Variants in CAMTA1 observed in about 807,000 individuals in gnomAD.
CAMTA1 encodes the protein calmodulin-binding transcription activator 1.
CAMTA1 carries 27 observed loss-of-function variants against 170.9 expected under a neutral mutation model. The observed-to-expected ratio is 0.16, with a 90% confidence interval of 0.12 to 0.22. The LOEUF (loss-of-function observed/expected upper bound fraction) is 0.22, where lower values mean the gene tolerates loss of function less well. Among genes scored for constraint, CAMTA1 ranks in the 10% least tolerant of loss-of-function variants. The probability of loss-of-function intolerance (pLI) is 1.00; values close to 1 mark genes in which losing one functional copy is unlikely to be tolerated. For missense variants in CAMTA1, 1,619 were observed against 2,217.2 expected, an observed-to-expected ratio of 0.73 and a Z score of 5.42; for synonymous variants, 833 against 891.5, an observed-to-expected ratio of 0.93 and a Z score of 1.17.
intron 4 of CAMTA1, among the ~76,000 whole-genome samples, chr1:7,193,514 T>C (rs1442647689): frequency 6.6e-6 from 1 of 151,606 alleles, no homozygotes; most frequent in Non-Finnish European, 1.5e-5. Flanking sequence ...AGTGAACAGC[T>C]AAAGTTCAGT....
At chr1:6,999,982 G>C (rs746175763) in intron 3 of CAMTA1, among the ~76,000 whole-genome samples, 1 of 152,204 alleles carries the variant, frequency 6.6e-6, no homozygotes, top group Non-Finnish European at 1.5e-5. Flanking sequence ...CCAACCAAGG[G>C]GTGGAGAAAG....
At chr1:7,690,031 C>T (rs1576901041) in intron 11 of CAMTA1, among the ~76,000 whole-genome samples, 2 of 152,214 alleles carry the variant, frequency 1.3e-5, no homozygotes, top group East Asian at 1.9e-4. Flanking sequence ...TGGTGGCAGG[C>T]GCCTGTAATC....
intron 6 of CAMTA1, among the ~76,000 whole-genome samples, chr1:7,549,021 G>A (rs112672909): frequency 3.5e-5 from 5 of 142,820 alleles, no homozygotes; most frequent in Non-Finnish European, 7.7e-5. Context: ...TGCCCCCTTA[G>A]GGGTGGAGAT....
chr1:6,920,909 C>T (rs1307574072), intron 3 of CAMTA1, among the ~76,000 whole-genome samples: 11 of 152,222 alleles, frequency 7.2e-5, no homozygotes, highest in African/African-American at 2.7e-4. Context: ...TCCTTTTAGG[C>T]CTCTGGGCCT....
intron 4 of CAMTA1, among the ~76,000 whole-genome samples, chr1:7,120,614 T>G (rs1038018326): frequency 6.6e-6 from 1 of 152,146 alleles, no homozygotes; most frequent in African/African-American, 2.4e-5. Flanking sequence ...CTGCCCACAT[T>G]TGGGGGCCAA....
At chr1:7,026,823 A>G (rs1211513424) in intron 3 of CAMTA1, among the ~76,000 whole-genome samples, 3 of 151,624 alleles carry the variant, frequency 2.0e-5, no homozygotes, top group African/African-American at 7.3e-5. Context: ...TAGAGACGGG[A>G]TTTCATATGT....
chr1:6,870,173 A>G (rs1667980645), intron 3 of CAMTA1, among the ~76,000 whole-genome samples: 4 of 152,166 alleles, frequency 2.6e-5, no homozygotes, highest in Admixed American at 2.6e-4. Context: ...AATGGTCTAA[A>G]TAATGATGCT....
In CAMTA1 at chr1:7,680,814, G is replaced by T. The variant is rs112408242; in HGVS notation, c.2914+3081G>T. ...TTGTTTGCTTGGCTAAAGGCCGGGG[G>T]GGGGCGTGGGTCCGGGGCGCAGAGA... On this transcript the variant is annotated intron_variant, in intron 11 of 22. Coordinates refer to ENST00000303635, the MANE Select transcript of CAMTA1 (RefSeq NM_015215.4). This position sits in a 1 kb window ranked among gnomAD's most constrained non-coding sequence, Gnocchi z 4.4. Among the ~76,000 whole-genome samples, 1,855 of 45,660 alleles carry T rather than the reference G, an allele frequency of 0.041. 19 individuals carry two copies. Among genetic ancestry groups the T allele is most frequent in the Middle Eastern group, 0.19 (23 of 124 alleles). The allele number at this position is 45,660 out of a possible 152,430, so 30.0% of individuals were successfully genotyped here. A position where few individuals can be genotyped will look rare whatever the true frequency, so the allele number is the denominator to read the frequency against.
chr1:7,545,605 A>C (rs1313501336), intron 6 of CAMTA1, among the ~76,000 whole-genome samples: 1 of 152,136 alleles, frequency 6.6e-6, no homozygotes, highest in Admixed American at 6.5e-5. Context: ...CAGGTGGTGC[A>C]TCTTGAGCAA....
chr1:7,524,033 C>T (rs1031617359), intron 6 of CAMTA1, among the ~76,000 whole-genome samples: 1 of 151,750 alleles, frequency 6.6e-6, no homozygotes, highest in Non-Finnish European at 1.5e-5. Flanking sequence ...AAACACCTGT[C>T]TCTACTAATA....
At chr1:7,713,288 C>T (rs1352753040) in intron 11 of CAMTA1, among the ~76,000 whole-genome samples, 1 of 152,132 alleles carries the variant, frequency 6.6e-6, no homozygotes, top group Non-Finnish European at 1.5e-5. Flanking sequence ...AGCACCTGAG[C>T]CTGATGAGAG....
intron 4 of CAMTA1, among the ~76,000 whole-genome samples, chr1:7,214,855 C>CTTTT (rs1353496472): frequency 6.3e-5 from 5 of 79,358 alleles, no homozygotes; most frequent in Admixed American, 1.1e-4. Context: ...CTTTTTCTTT[C>CTTTT]TTTCTTTTTT....
At chr1:7,162,136 T>A (rs1333812988) in intron 4 of CAMTA1, among the ~76,000 whole-genome samples, 1 of 152,092 alleles carries the variant, frequency 6.6e-6, no homozygotes, top group Non-Finnish European at 1.5e-5. Flanking sequence ...AGGCCAGGGC[T>A]TCTGGAGTAT....
At chr1:7,081,044 G>A (rs1258660473) in intron 3 of CAMTA1, among the ~76,000 whole-genome samples, 1 of 152,214 alleles carries the variant, frequency 6.6e-6, no homozygotes, top group Non-Finnish European at 1.5e-5. Flanking sequence ...GGAACAAGCT[G>A]CCTGCCAAAG....
At chr1:7,076,842 G>T (rs1158201778) in intron 3 of CAMTA1, among the ~76,000 whole-genome samples, 1 of 152,160 alleles carries the variant, frequency 6.6e-6, no homozygotes, top group Admixed American at 6.5e-5. Context: ...TCAAAGCAGG[G>T]TAGAACAATT....
chr1:7,646,386 T>G (rs1455608812), intron 7 of CAMTA1, among the ~76,000 whole-genome samples: 1 of 138,960 alleles, frequency 7.2e-6, no homozygotes, highest in African/African-American at 2.8e-5. Context: ...ATAGTGAGTG[T>G]GGTTGGAGGC....
intron 6 of CAMTA1, among the ~76,000 whole-genome samples, chr1:7,593,179 A>G (rs2150498991): frequency 6.6e-6 from 1 of 152,292 alleles, no homozygotes; most frequent in African/African-American, 2.4e-5. Context: ...AAGACATTCC[A>G]GGGGGAGAAA....
At chr1:6,987,488 G>T (rs1695560344) in intron 3 of CAMTA1, among the ~76,000 whole-genome samples, 1 of 152,182 alleles carries the variant, frequency 6.6e-6, no homozygotes, top group South Asian at 2.1e-4. Context: ...AATGGTCTGG[G>T]TGGGGCTCTG....
At position 7,605,854 on chromosome 1, in the gene CAMTA1, C is replaced by G. The variant is rs113630077; in HGVS notation, c.511-34546C>G. Reference sequence around the variant, plus strand: ...CCCCCAATTTAAATATTAATCTCATCTAAAAAGGACCATCACTGTGACCGC... The same window carrying G: ...CCCCCAATTTAAATATTAATCTCATGTAAAAAGGACCATCACTGTGACCGC... On this transcript the variant is annotated intron_variant, in intron 6 of 22. Transcript: ENST00000303635. Among the ~76,000 whole-genome samples, 43 of 152,320 alleles carry G rather than the reference C, an allele frequency of 2.8e-4. 1 individual carries two copies. Among genetic ancestry groups the G allele is most frequent in the African/African-American group, 1.0e-3 (42 of 41,574 alleles).
Sources: gnomAD v4.1 joint callset for allele counts (sites outside exome capture counted in the v4.1 genomes callset) on GRCh38, gnomAD v4.1.1 for gene constraint, Gnocchi (gnomAD v3.1) non-coding constraint, MANE v1.5 for transcripts, NCBI Gene and HGNC (gene_info 2026-07-23, HGNC 2026-07-21) for gene names.